Variants in SERPINI1 observed in about 807,000 individuals in gnomAD.
SERPINI1 encodes the protein neuroserpin.
Under a neutral mutation model 41.1 loss-of-function variants are expected in SERPINI1, and 19 were observed. That is an observed-to-expected ratio of 0.46 (90% CI 0.32 to 0.68). SERPINI1 has a LOEUF of 0.68. Among genes scored for constraint, SERPINI1 ranks in the 30% least tolerant of loss-of-function variants. The pLI is 0.03. For synonymous variants in SERPINI1, 138 were observed against 156.6 expected, an observed-to-expected ratio of 0.88 and a Z score of 0.89; for missense variants, 460 against 479.2, an observed-to-expected ratio of 0.96 and a Z score of 0.37.
intron 5 of SERPINI1, among the ~76,000 whole-genome samples, chr3:167,796,789 A>G (rs753704289): frequency 4.6e-5 from 7 of 151,708 alleles, no homozygotes; most frequent in Non-Finnish European, 1.0e-4. Flanking sequence ...GGTTGATTCC[A>G]TGTCTTTGCT....
At chr3:167,805,171 A>C (rs1036907502) in intron 5 of SERPINI1, among the ~76,000 whole-genome samples, 2 of 152,184 alleles carry the variant, frequency 1.3e-5, no homozygotes, top group African/African-American at 4.8e-5. Context: ...CCAACAGTGT[A>C]AAAGCATTCC....
chr3:167,796,369 AAG>A (rs556390710), intron 5 of SERPINI1, among the ~76,000 whole-genome samples: 74 of 151,930 alleles, frequency 4.9e-4, no homozygotes, highest in African/African-American at 1.4e-3. Context: ...ATTTTATTTT[AAG>A]GTCTGGTATA....
intron 1 of SERPINI1, among the ~76,000 whole-genome samples, chr3:167,766,444 C>A (rs1726569813): frequency 6.6e-6 from 1 of 152,138 alleles, no homozygotes; most frequent in South Asian, 2.1e-4. Flanking sequence ...GACACACACC[C>A]CTGATTCAAT....
At chr3:167,744,737 ATT>A (rs1491338983) in intron 1 of SERPINI1, among the ~76,000 whole-genome samples, 1 of 125,916 alleles carries the variant, frequency 7.9e-6, no homozygotes, top group African/African-American at 3.0e-5. Context: ...AAATATATAT[ATT>A]ATATATAACT....
Position 167,790,527 on chromosome 3 carries a change from G to A in SERPINI1, c.406G>A (p.Val136Ile). 6.2e-7 allele frequency: 1 copy of A among 1,613,994 alleles called. No individual in the cohort carries two copies. Among genetic ancestry groups the A allele is most frequent in the Non-Finnish European group, 8.5e-7 (1 of 1,179,920 alleles). Residue 136 changes from valine to isoleucine, a missense_variant, in exon 3 of 9, where the codon GTA (valine) becomes ATA (isoleucine). By Grantham distance (29) the Val-to-Ile change is conservative. Transcript: ENST00000446050. ...QMMKKYFNAA[V>I]NHVDFSQNVA... ...GATGAAAAAATATTTTAATGCAGCAGTAAATCATGTGGACTTCAGTCAAAA... is the reference window on the plus strand; with the variant it reads ...GATGAAAAAATATTTTAATGCAGCAATAAATCATGTGGACTTCAGTCAAAA...
At chr3:167,751,401 A>C (rs938664271) in intron 1 of SERPINI1, among the ~76,000 whole-genome samples, 1 of 152,210 alleles carries the variant, frequency 6.6e-6, no homozygotes, top group African/African-American at 2.4e-5. Flanking sequence ...GTAGCCCTGT[A>C]ATTACACAAA....
intron 1 of SERPINI1, among the ~76,000 whole-genome samples, chr3:167,785,760 G>T (rs972699261): frequency 6.6e-6 from 1 of 152,086 alleles, no homozygotes; most frequent in African/African-American, 2.4e-5. Flanking sequence ...ATGCTTATTG[G>T]CAATAGGTTG....
chr3:167,764,357 G>A (rs1028673685), intron 1 of SERPINI1, among the ~76,000 whole-genome samples: 1 of 152,188 alleles, frequency 6.6e-6, no homozygotes, highest in Admixed American at 6.5e-5. Context: ...CATGGTGGAA[G>A]GCAAGGAGGA....
intron 1 of SERPINI1, among the ~76,000 whole-genome samples, chr3:167,758,416 C>T (rs376636493): frequency 6.6e-6 from 1 of 152,042 alleles, no homozygotes; most frequent in African/African-American, 2.4e-5. Context: ...AATTTCGATA[C>T]ATAAGTAAAT....
chr3:167,761,968 G>A (rs1726396468), intron 1 of SERPINI1, among the ~76,000 whole-genome samples: 1 of 152,094 alleles, frequency 6.6e-6, no homozygotes, highest in South Asian at 2.1e-4. Context: ...ATATGTTTAA[G>A]CAGAAATACC....
At chr3:167,793,834 A>ATGTGTGTGTG (rs1368712957) in intron 4 of SERPINI1, among the ~76,000 whole-genome samples, 4 of 106,576 alleles carry the variant, frequency 3.8e-5, no homozygotes, top group African/African-American at 1.6e-4. Flanking sequence ...TTTTGGCCAT[A>ATGTGTGTGTG]TGTATGTGTG....
intron 1 of SERPINI1, among the ~76,000 whole-genome samples, chr3:167,748,983 A>G (rs1332452787): frequency 6.6e-6 from 1 of 152,186 alleles, no homozygotes; most frequent in Non-Finnish European, 1.5e-5. Context: ...AAAAGAAAGA[A>G]TAATTGTAAT....
intron 1 of SERPINI1, among the ~76,000 whole-genome samples, chr3:167,746,818 C>T (rs745697788): frequency 4.1e-4 from 63 of 152,170 alleles, no homozygotes; most frequent in Non-Finnish European, 5.9e-4. Context: ...TTTTGAAACT[C>T]ATAAGGTTTT....
At chr3:167,754,952 T>C (rs1220533291) in intron 1 of SERPINI1, among the ~76,000 whole-genome samples, 1 of 152,208 alleles carries the variant, frequency 6.6e-6, no homozygotes, top group Non-Finnish European at 1.5e-5. Flanking sequence ...CTCTTCCTTC[T>C]TTCTTTCTTT....
intron 1 of SERPINI1, among the ~76,000 whole-genome samples, chr3:167,753,232 T>C (rs1726097949): frequency 6.6e-6 from 1 of 152,160 alleles, no homozygotes; most frequent in Admixed American, 6.5e-5. Flanking sequence ...ATCTTTGTTT[T>C]GGGTGACTTT....
chr3:167,799,060 T>A (rs1973360), intron 5 of SERPINI1, among the ~76,000 whole-genome samples: 3 of 152,066 alleles, frequency 2.0e-5, no homozygotes, highest in African/African-American at 7.2e-5. Context: ...TTTCTCTTTA[T>A]ACTTCAAGTT....
intron 1 of SERPINI1, among the ~76,000 whole-genome samples, chr3:167,780,223 C>T (rs1429202393): frequency 1.3e-5 from 2 of 152,074 alleles, no homozygotes; most frequent in Non-Finnish European, 2.9e-5. Flanking sequence ...AGTGCATTTC[C>T]TGATTGAAAC....
chr3:167,811,641 T>C (rs571732878), intron 6 of SERPINI1, among the ~76,000 whole-genome samples: 1 of 152,214 alleles, frequency 6.6e-6, no homozygotes, highest in South Asian at 2.1e-4. Flanking sequence ...TACTGCTCTG[T>C]AGTGTTTGGA....
chr3:167,781,855 T>C (rs1727139359), intron 1 of SERPINI1, among the ~76,000 whole-genome samples: 1 of 152,112 alleles, frequency 6.6e-6, no homozygotes, highest in African/African-American at 2.4e-5. Context: ...TATCTTTTTT[T>C]ATAATGCGGA....
Sources: allele counts gnomAD v4.1 joint callset (sites outside exome capture counted in the v4.1 genomes callset), GRCh38; gene constraint gnomAD v4.1.1; transcripts MANE v1.5; gene names NCBI Gene and HGNC (gene_info 2026-07-23, HGNC 2026-07-21).